Variants in ZNF106 observed in about 807,000 individuals in gnomAD.
The protein encoded by ZNF106 is SH3-domain binding protein 3.
In ZNF106, 67 loss-of-function variants were observed where a neutral mutation model predicts 195.1. That is an observed-to-expected ratio of 0.34 (90% CI 0.28 to 0.42). The LOEUF is 0.42. Among genes scored for constraint, ZNF106 ranks in the 10% least tolerant of loss-of-function variants. The pLI, the probability that ZNF106 is intolerant of heterozygous loss-of-function variation, is 1.00. For missense variants in ZNF106, 2,118 were observed against 2,304.5 expected, an observed-to-expected ratio of 0.92 and a Z score of 1.66; for synonymous variants, 784 against 818.6, an observed-to-expected ratio of 0.96 and a Z score of 0.72.
rs768526330 is a variant in ZNF106 at position 42,450,068 on chromosome 15, G to A, written c.2204C>T (p.Ser735Leu). The A allele has an allele frequency of 1.9e-5, 31 of 1,614,062 alleles. No individual in the cohort carries two copies. The highest frequency in any genetic ancestry group is 2.4e-5 in the Non-Finnish European group (28 of 1,180,040). ...ELQKSDISQPSGPLLPELSKL... is the reference protein window; with the variant it reads ...ELQKSDISQPLGPLLPELSKL... ...ACTTAGTTCAGGCAGGAGAGGGCCC[G>A]AGGGCTGACTGATGTCACTTTTTTG... Residue 735 changes from serine to leucine, a missense_variant, in exon 5 of 22, where the codon TCG becomes TTG. Transcript: ENST00000564754.
In ZNF106 at chr15:42,451,958, G is replaced by C. The variant is rs1332450730; in HGVS notation, c.318-4C>G. The C allele has an allele frequency of 6.3e-7, 1 of 1,595,626 alleles. No homozygotes were observed. The highest frequency in any genetic ancestry group is 2.2e-5 in the East Asian group (1 of 44,636). On this transcript the variant is annotated splice_region_variant and splice_polypyrimidine_tract_variant and intron_variant, in intron 4 of 21. Transcript: ENST00000564754. The stretch of plus-strand genomic sequence containing the variant: ...GCTATTGGAAGGTTCATCTTGTCTG[G>C]AAGAAAAACAGTTTTTCATTAGCGA...
rs1226438176 is a variant in ZNF106 at position 42,444,267 on chromosome 15, A to AAAT, written c.3361-8_3361-6dup. 1 of 1,603,464 alleles carries AAAT rather than the reference A, an allele frequency of 6.2e-7. No homozygotes were observed. Among genetic ancestry groups the AAAT allele is most frequent in the East Asian group, 2.2e-5 (1 of 44,834 alleles). ...TGCACTCATCTCCATAGTTATCTAA[A>AAAT]AATAAAGTATTTTATTAAGCATTTT... On this transcript the variant is annotated splice_polypyrimidine_tract_variant and splice_region_variant and intron_variant, in intron 8 of 21. Transcript: ENST00000564754.
At chr15:42,445,373 T>A (rs2055733686) in intron 7 of ZNF106, among the ~76,000 whole-genome samples, 1 of 152,236 alleles carries the variant, frequency 6.6e-6, no homozygotes, top group Admixed American at 6.5e-5. Context: ...CTAGACTGCT[T>A]GCACTCTCTT....
chr15:42,488,905 C>T (rs972017999), intron 1 of ZNF106, among the ~76,000 whole-genome samples: 9 of 151,798 alleles, frequency 5.9e-5, no homozygotes, highest in Non-Finnish European at 4.4e-5. Context: ...GGTGAAACCC[C>T]GTCTCTATTA....
At position 42,421,152 on chromosome 15, in the gene ZNF106, T is replaced by C. The variant is rs200675584; in HGVS notation, c.5446-20A>G. On this transcript the variant is annotated intron_variant, in intron 19 of 21. Transcript: ENST00000564754. ...GTAAATCTGGAGAAAGAGAGGTTTA[T>C]AATATCAGACCAAAATACATACAAA... 7 of 1,612,164 alleles carry C rather than the reference T, an allele frequency of 4.3e-6. No individual in the cohort carries two copies. Among genetic ancestry groups the C allele is most frequent in the Non-Finnish European group, 5.9e-6 (7 of 1,178,500 alleles).
At chr15:42,449,694 G>C in intron 5 of ZNF106, 77 bp downstream of exon 5, 2 of 1,508,556 alleles carry the variant, frequency 1.3e-6, no homozygotes, top group Non-Finnish European at 1.8e-6. Flanking sequence ...GAAACACGTA[G>C]AATTCTCTTG....
At chr15:42,470,544 A>T (rs551375029) in intron 2 of ZNF106, among the ~76,000 whole-genome samples, 1 of 152,328 alleles carries the variant, frequency 6.6e-6, no homozygotes, top group Admixed American at 6.5e-5. Flanking sequence ...TAAAAACTAC[A>T]ATCAGCTTTT....
intron 1 of ZNF106, among the ~76,000 whole-genome samples, chr15:42,477,899 C>CA (rs112291423): frequency 0.028 from 4,195 of 147,630 alleles, 147 homozygotes; most frequent in African/African-American, 0.081. Context: ...TCAAAAAAAA[C>CA]AAAAAAAAAC....
At chr15:42,453,931 A>T (rs373608012) in intron 4 of ZNF106, among the ~76,000 whole-genome samples, 2 of 152,184 alleles carry the variant, frequency 1.3e-5, no homozygotes, top group South Asian at 2.1e-4. Context: ...AGTAGAGAGA[A>T]TACATAACTT....
At chr15:42,421,824 C>G (rs1030765327) in intron 19 of ZNF106, 93 bp downstream of exon 19, 10 of 967,532 alleles carry the variant, frequency 1.0e-5, no homozygotes, top group Middle Eastern at 6.7e-4. Context: ...AACAATGAGG[C>G]ATATCAGAAG....
intron 1 of ZNF106, among the ~76,000 whole-genome samples, chr15:42,474,701 T>C (rs2056750173): frequency 6.6e-6 from 1 of 152,018 alleles, no homozygotes; most frequent in Admixed American, 6.6e-5. Flanking sequence ...TAATGAGCTA[T>C]GATTGTGCCA....
chr15:42,422,103 C>T, intron 18 of ZNF106, 115 bp from the exon 19 acceptor site: 1 of 723,866 alleles, frequency 1.4e-6, no homozygotes, highest in Non-Finnish European at 2.1e-6. Flanking sequence ...CAAGTGGAAG[C>T]ACCAGTAGCA....
In ZNF106 at chr15:42,450,929, G is replaced by A. The variant is rs138256080; in HGVS notation, c.1343C>T (p.Ser448Phe). 88 of 1,614,072 alleles carry A rather than the reference G, an allele frequency of 5.5e-5. No individual in the cohort carries two copies. The highest frequency in any genetic ancestry group is 7.1e-5 in the Non-Finnish European group (84 of 1,180,044). Residue 448 changes from serine (S) to phenylalanine (F), a missense_variant, in exon 5 of 22, where the codon TCC (serine) becomes TTC (phenylalanine). By Grantham distance (155) the Ser-to-Phe change is radical. Transcript: ENST00000564754. ...GGGGCACTGTCTCACCACCTCGAAG[G>A]AAGCAGCGGAATCAGAAGAGGCCTT... The part of the protein sequence containing the change: ...NHKASSDSAA[S>F]FEVVRQCPTA...
chr15:42,447,047 C>T (rs2055800198), intron 6 of ZNF106, among the ~76,000 whole-genome samples: 1 of 152,204 alleles, frequency 6.6e-6, no homozygotes, highest in African/African-American at 2.4e-5. Context: ...CAACAAAAAG[C>T]TTAACAGTCC....
At chr15:42,429,434 G>A (rs1478297787) in intron 14 of ZNF106, among the ~76,000 whole-genome samples, 3 of 151,114 alleles carry the variant, frequency 2.0e-5, no homozygotes, top group Non-Finnish European at 2.9e-5. Flanking sequence ...GCGAGACCCC[G>A]TCTCAATTAA....
At chr15:42,431,936 T>C (rs990570754) in intron 14 of ZNF106, among the ~76,000 whole-genome samples, 4 of 152,192 alleles carry the variant, frequency 2.6e-5, no homozygotes, top group Non-Finnish European at 5.9e-5. Flanking sequence ...TTCTTGTATA[T>C]CCTTCATGGT....
chr15:42,455,380 T>C (rs1241357536), intron 4 of ZNF106, among the ~76,000 whole-genome samples: 2 of 152,236 alleles, frequency 1.3e-5, no homozygotes, highest in African/African-American at 2.4e-5. Context: ...ATATTTTGAA[T>C]AATTTTGTAA....
chr15:42,435,647 G>T, intron 13 of ZNF106, 129 bp from the exon 14 acceptor site: 1 of 1,070,400 alleles, frequency 9.3e-7, no homozygotes, highest in Non-Finnish European at 1.4e-6. Context: ...ACAGCACCTG[G>T]TACACAAAAG....
chr15:42,420,731 C>T (rs1419276390), intron 20 of ZNF106, among the ~76,000 whole-genome samples: 1 of 152,026 alleles, frequency 6.6e-6, no homozygotes, highest in Non-Finnish European at 1.5e-5. Flanking sequence ...TTTTTATTTG[C>T]CTATTCCTCA....
Sources: gnomAD v4.1 joint callset for allele counts (sites outside exome capture counted in the v4.1 genomes callset) on GRCh38, gnomAD v4.1.1 for gene constraint, MANE v1.5 for transcripts, NCBI Gene and HGNC (gene_info 2026-07-23, HGNC 2026-07-21) for gene names.